MAP2K5: variants seen among roughly 807,000 people sequenced by gnomAD.
MAP2K5 encodes dual specificity mitogen-activated protein kinase kinase 5.
In MAP2K5, 49 loss-of-function variants were observed where a neutral mutation model predicts 83.1. The observed-to-expected ratio is 0.59, with a 90% CI of 0.47 to 0.75. MAP2K5 has a LOEUF of 0.75. MAP2K5 is among the 30% of genes least tolerant of loss of function. The probability of loss-of-function intolerance (pLI) is 0.00; values close to 1 mark genes in which losing one functional copy is unlikely to be tolerated. For missense variants in MAP2K5, 457 were observed against 557.5 expected, an observed-to-expected ratio of 0.82 and a Z score of 1.82; for synonymous variants, 202 against 191.8, an observed-to-expected ratio of 1.05 and a Z score of -0.44.
intron 21 of MAP2K5, among the ~76,000 whole-genome samples, chr15:67,776,850 A>G (rs1335617937): frequency 6.6e-6 from 1 of 152,076 alleles, no homozygotes; most frequent in Non-Finnish European, 1.5e-5. Context: ...TCACTGTGTA[A>G]CCTCAGCCAA....
In MAP2K5 at chr15:67,638,994, C is replaced by G. The variant is rs2086659391; in HGVS notation, c.586-7237C>G. Among the ~76,000 whole-genome samples, 1 of 152,110 alleles carries G rather than the reference C, an allele frequency of 6.6e-6. No individual in the cohort carries two copies. The highest frequency in any genetic ancestry group is 1.5e-5 in the Non-Finnish European group (1 of 68,010). On this transcript the variant is annotated intron_variant, in intron 9 of 21. Coordinates refer to ENST00000178640, the MANE Select transcript of MAP2K5 (RefSeq NM_145160.3). This position sits in a 1 kb window ranked among gnomAD's most constrained non-coding sequence, Gnocchi z 4.5. ...GCAAAAATTAACTCAAAATTAAAGA[C>G]TTAAATGTAAAACCCAAAGTACAAA...
intron 7 of MAP2K5, among the ~76,000 whole-genome samples, chr15:67,596,713 G>T (rs2085534452): frequency 6.6e-6 from 1 of 152,182 alleles, no homozygotes; most frequent in South Asian, 2.1e-4. Context: ...CTTTCAGCAG[G>T]AGCAGAGCTC....
Position 67,559,447 on chromosome 15 carries a change from C to T in MAP2K5, c.185-3836C>T, listed in dbSNP as rs976424162. Among the ~76,000 whole-genome samples the T allele has an allele frequency of 2.6e-5, 4 of 152,114 alleles. No individual in the cohort carries two copies. Among genetic ancestry groups the T allele is most frequent in the African/African-American group, 9.7e-5 (4 of 41,414 alleles). ...TCTATTGGGCCTTTATGTTTCTCTT[C>T]TTGGTTTTTCTTTTGGATTGCATGT... On this transcript the variant is annotated intron_variant, in intron 2 of 21. Coordinates refer to ENST00000178640, the MANE Select transcript of MAP2K5 (RefSeq NM_145160.3). This position sits in a 1 kb window ranked among gnomAD's most constrained non-coding sequence, Gnocchi z 4.7.
Position 67,690,939 on chromosome 15 carries a change from C to A in MAP2K5, c.848-1540C>A, listed in dbSNP as rs925388724. On this transcript the variant is annotated intron_variant, in intron 13 of 21. Transcript: ENST00000178640. The surrounding 1 kb of genome is among the most constrained non-coding windows in gnomAD (Gnocchi z 4.3). ...AAGATGTTTTAAGTATGCTCCTACC[C>A]TGTGAACTTATTTATTTCTTGGGGC... Among the ~76,000 whole-genome samples the A allele has an allele frequency of 3.9e-5, 6 of 152,188 alleles. No individual in the cohort carries two copies. Among genetic ancestry groups the A allele is most frequent in the Admixed American group, 2.0e-4 (3 of 15,280 alleles).
intron 3 of MAP2K5, among the ~76,000 whole-genome samples, chr15:67,566,200 A>G (rs2084834391): frequency 6.6e-6 from 1 of 151,944 alleles, no homozygotes; most frequent in Non-Finnish European, 1.5e-5. Flanking sequence ...TTTGAGATGA[A>G]GTCTCATTCT....
rs2090719908 is a variant in MAP2K5, at chr15:67,802,257, GCAA to G, written c.1243-4387_1243-4385del. On this transcript the variant is annotated intron_variant, in intron 21 of 21. Coordinates refer to ENST00000178640, the MANE Select transcript of MAP2K5 (RefSeq NM_145160.3). This position sits in a 1 kb window ranked among gnomAD's most constrained non-coding sequence, Gnocchi z 5.0. ...GCCCAGGTGGAGGAGGGAGCGGTGA[GCAA>G]CCACAATTCATCTTCATGAGAGGGA... 6.7e-6 allele frequency among the ~76,000 whole-genome samples: 1 copy of G among 148,866 alleles called. No homozygotes were observed. The highest frequency in any genetic ancestry group is 2.1e-4 in the South Asian group (1 of 4,830).
rs1174095374 is a variant in MAP2K5 at position 67,753,412 on chromosome 15, TG to T, written c.1134+4814del. 6.6e-5 allele frequency among the ~76,000 whole-genome samples: 10 copies of T among 152,222 alleles called. No individual in the cohort carries two copies. The East Asian group carries it at 1.7e-3, about 26-fold the overall frequency. On this transcript the variant is annotated intron_variant, in intron 19 of 21. Transcript: ENST00000178640. ...GACAGTGAAAAGACAACCCACAGAATGGGAGAAAATATTTGCAAATCATATA... is the reference window on the plus strand; with the variant it reads ...GACAGTGAAAAGACAACCCACAGAATGGAGAAAATATTTGCAAATCATATA...
chr15:67,748,230 G>T lies in MAP2K5; in HGVS notation c.1075-1G>T. 6.2e-7 allele frequency: 1 copy of T among 1,605,600 alleles called. No individual in the cohort carries two copies. The highest frequency in any genetic ancestry group is 1.1e-5 in the South Asian group (1 of 90,160). On this transcript the variant is annotated splice_acceptor_variant, in intron 17 of 21. Coordinates refer to ENST00000178640, the MANE Select transcript of MAP2K5 (RefSeq NM_145160.3). LOFTEE classifies it high-confidence loss of function. This position sits in a 1 kb window ranked among gnomAD's most constrained non-coding sequence, Gnocchi z 4.0. ...GCTAATTACATATTGCCTTTTTTCA[G>T]ATTCAGAAAAACCAGGGATCTTTAA...
chr15:67,578,172 G>A (rs2085103694), intron 3 of MAP2K5, among the ~76,000 whole-genome samples: 1 of 152,226 alleles, frequency 6.6e-6, no homozygotes, highest in South Asian at 2.1e-4. Context: ...GGAGACAACA[G>A]TTAGTGATGG....
intron 17 of MAP2K5, among the ~76,000 whole-genome samples, chr15:67,743,743 A>G (rs750394639): frequency 2.0e-5 from 3 of 152,246 alleles, no homozygotes; most frequent in Non-Finnish European, 4.4e-5. Flanking sequence ...ACAGTGCCAG[A>G]TAAAATTAGA....
At position 67,652,147 on chromosome 15, in the gene MAP2K5, T is replaced by C. The variant is rs1490249586; in HGVS notation, c.736+5678T>C. ...CAAACATTTTTTCAAATGCCTTACG[T>C]TGATTCTTCTTTAAACATTTGATAG... On this transcript the variant is annotated intron_variant, in intron 11 of 21. Transcript: ENST00000178640. The surrounding 1 kb of genome is among the most constrained non-coding windows in gnomAD (Gnocchi z 4.2). 1.3e-5 allele frequency among the ~76,000 whole-genome samples: 2 copies of C among 152,188 alleles called. No individual in the cohort carries two copies. Among genetic ancestry groups the C allele is most frequent in the Non-Finnish European group, 1.5e-5 (1 of 68,032 alleles).
At chr15:67,759,188 A>G (rs2141287145) in intron 19 of MAP2K5, among the ~76,000 whole-genome samples, 1 of 152,272 alleles carries the variant, frequency 6.6e-6, no homozygotes, top group Middle Eastern at 3.4e-3. Context: ...CCACTGGGGT[A>G]TGAAAATAGC....
rs947565862 is a variant in MAP2K5 at position 67,593,109 on chromosome 15, A to G, written c.480+135A>G. The G allele has an allele frequency of 1.7e-5, 11 of 629,696 alleles. No individual in the cohort carries two copies. In the South Asian group the frequency reaches 2.5e-4, roughly 14 times the overall value. 39.0% of individuals were successfully genotyped at this position (629,696 alleles called of 1,614,324 possible). A position where few individuals can be genotyped will look rare whatever the true frequency, so the allele number is the denominator to read the frequency against. On this transcript the variant is annotated intron_variant, in intron 7 of 21. Coordinates refer to ENST00000178640, the MANE Select transcript of MAP2K5 (RefSeq NM_145160.3). ...TAAATGAATAACATGGCTTAATTTG[A>G]TTGGCAGAACAATTTGCAGCCCGTT... is the stretch of plus-strand genomic sequence containing the variant.
intron 15 of MAP2K5, among the ~76,000 whole-genome samples, chr15:67,696,648 A>G (rs2088269649): frequency 3.3e-5 from 5 of 152,156 alleles, no homozygotes; most frequent in Admixed American, 3.3e-4. Context: ...TATGTGTGAC[A>G]TAATAAAGAC....
intron 17 of MAP2K5, 76 bp downstream of exon 17, chr15:67,728,021 A>G: frequency 8.4e-7 from 1 of 1,193,006 alleles, no homozygotes; most frequent in Non-Finnish European, 1.3e-6. Flanking sequence ...GCAATTGTGA[A>G]CATTTGAGCC....
At chr15:67,601,120 G>C (rs2085649335) in intron 8 of MAP2K5, among the ~76,000 whole-genome samples, 1 of 152,198 alleles carries the variant, frequency 6.6e-6, no homozygotes, top group South Asian at 2.1e-4. Context: ...ATGCCCAGTG[G>C]AAGCCAGACC....
chr15:67,683,148 A>G (rs1469117769), intron 13 of MAP2K5, among the ~76,000 whole-genome samples: 2 of 152,164 alleles, frequency 1.3e-5, no homozygotes, highest in Non-Finnish European at 2.9e-5. Context: ...GTCTCAAAAA[A>G]AAAAAGTTGT....
intron 17 of MAP2K5, among the ~76,000 whole-genome samples, chr15:67,739,252 C>G (rs1182357450): frequency 6.8e-6 from 1 of 146,878 alleles, no homozygotes; most frequent in Non-Finnish European, 1.5e-5. Context: ...TGCATTCCAG[C>G]CTGGGCAACA....
chr15:67,806,747 G>A lies in MAP2K5; in HGVS notation c.1344G>A (p.Pro448=), dbSNP rs376067801. ...AGAGGCGGAGCCAGCAGGGGCCCCC[G>A]TGAGGCTGCCGCAGGGCACTGAAAG... ...LEERRSQQGP[P] The change falls in exon 22 of 22, where the codon CCG becomes CCA. Residue 448 remains proline (P), a synonymous_variant. Coordinates refer to ENST00000178640, the MANE Select transcript of MAP2K5 (RefSeq NM_145160.3). The A allele has an allele frequency of 6.1e-5, 95 of 1,556,846 alleles. No individual in the cohort carries two copies. The highest frequency in any genetic ancestry group is 5.5e-4 in the East Asian group (23 of 41,670).
Sources: allele counts gnomAD v4.1 joint callset (sites outside exome capture counted in the v4.1 genomes callset), GRCh38; gene constraint gnomAD v4.1.1; non-coding constraint Gnocchi (gnomAD v3.1); transcripts MANE v1.5; gene names NCBI Gene and HGNC (gene_info 2026-07-23, HGNC 2026-07-21).